ZDHHC14: variants seen among roughly 807,000 people sequenced by gnomAD.
ZDHHC14 encodes the protein palmitoyltransferase ZDHHC14.
ZDHHC14 carries 16 observed loss-of-function variants against 47.7 expected under a neutral mutation model. The ratio of observed to expected loss-of-function variants is 0.34; its 90% CI spans 0.23 to 0.51. The LOEUF (loss-of-function observed/expected upper bound fraction) is 0.51, where lower values mean the gene tolerates loss of function less well. ZDHHC14 is among the 20% of genes least tolerant of loss of function. The probability of loss-of-function intolerance (pLI) is 0.97; values close to 1 mark genes in which losing one functional copy is unlikely to be tolerated. For synonymous variants in ZDHHC14, 293 were observed against 278.9 expected (o/e 1.05, Z -0.50); for missense variants, 515 against 662.5 (o/e 0.78, Z 2.44).
In ZDHHC14 at chr6:157,463,224, T is replaced by C. The variant is rs1036403204; in HGVS notation, c.246-79361T>C. Among the ~76,000 whole-genome samples the C allele has an allele frequency of 2.0e-5, 3 of 152,216 alleles. No individual in the cohort carries two copies. Among genetic ancestry groups the C allele is most frequent in the Admixed American group, 6.5e-5 (1 of 15,278 alleles). On this transcript the variant is annotated intron_variant, in intron 1 of 8. Transcript: ENST00000359775. This position sits in a 1 kb window ranked among gnomAD's most constrained non-coding sequence, Gnocchi z 4.4. ...AAGAAAATAGAAATGTCACAGCCTG[T>C]TGTTTCTGTTGTCTCTTCGGTGTTT...
At chr6:157,622,605 C>G (rs2062949) in intron 3 of ZDHHC14, among the ~76,000 whole-genome samples, 55,034 of 151,710 alleles carry the variant, frequency 0.36, 10,928 homozygotes, top group East Asian at 0.86. Context: ...GTAAAACCAC[C>G]CCTGCCTCCC....
intron 2 of ZDHHC14, among the ~76,000 whole-genome samples, chr6:157,546,906 AGAGT>A (rs1158549362): frequency 6.6e-6 from 1 of 152,168 alleles, no homozygotes; most frequent in Non-Finnish European, 1.5e-5. Context: ...GTCAATGCGG[AGAGT>A]GAGTGAGGAG....
chr6:157,507,278 C>G (rs887630751), intron 1 of ZDHHC14, among the ~76,000 whole-genome samples: 4 of 137,518 alleles, frequency 2.9e-5, no homozygotes, highest in Non-Finnish European at 6.1e-5. Context: ...TTTTATATTT[C>G]CTGACTCATT....
chr6:157,430,715 G>A (rs1232000181), intron 1 of ZDHHC14, among the ~76,000 whole-genome samples: 3 of 152,202 alleles, frequency 2.0e-5, no homozygotes, highest in Non-Finnish European at 2.9e-5. Context: ...GTCACTTAAC[G>A]TATTCACAGG....
At chr6:157,628,642 T>C in intron 4 of ZDHHC14, 156 bp downstream of exon 4, 2 of 956,066 alleles carry the variant, frequency 2.1e-6, no homozygotes, top group Admixed American at 4.9e-5. Flanking sequence ...CTCGCTTTTG[T>C]TTCTCACCCT....
chr6:157,487,126 G>A (rs1482779690), intron 1 of ZDHHC14, among the ~76,000 whole-genome samples: 5 of 152,186 alleles, frequency 3.3e-5, no homozygotes, highest in African/African-American at 7.2e-5. Flanking sequence ...GTCTCCCCAC[G>A]CTGTCCCTAA....
At chr6:157,541,352 G>A (rs1270009500) in intron 1 of ZDHHC14, among the ~76,000 whole-genome samples, 1 of 152,118 alleles carries the variant, frequency 6.6e-6, no homozygotes, top group Non-Finnish European at 1.5e-5. Context: ...TGGCTCTCAA[G>A]TCCCAGACTC....
rs970440630 is a variant in ZDHHC14, at chr6:157,586,254, C to T, written c.407-6734C>T. ...GGCTGGATAAATAAAACAAGGCAGG[C>T]GCAGTGAGAGCCCAAAGGAGGAAAC... On this transcript the variant is annotated intron_variant, in intron 2 of 8. Transcript: ENST00000359775. This position sits in a 1 kb window ranked among gnomAD's most constrained non-coding sequence, Gnocchi z 4.6. Among the ~76,000 whole-genome samples, 4 of 152,042 alleles carry T rather than the reference C, an allele frequency of 2.6e-5. No homozygotes were observed. Among genetic ancestry groups the T allele is most frequent in the Admixed American group, 1.3e-4 (2 of 15,262 alleles).
chr6:157,450,559 C>T (rs1778781270), intron 1 of ZDHHC14, among the ~76,000 whole-genome samples: 1 of 150,930 alleles, frequency 6.6e-6, no homozygotes, highest in African/African-American at 2.4e-5. Context: ...TATTCTCTGT[C>T]TTCATTTTTG....
chr6:157,515,457 CTTTTTT>C (rs1187323622), intron 1 of ZDHHC14, among the ~76,000 whole-genome samples: 1 of 129,448 alleles, frequency 7.7e-6, no homozygotes, highest in African/African-American at 2.8e-5. Flanking sequence ...TTTTCTTTTT[CTTTTTT>C]TTTTTTTTTT....
chr6:157,464,998 A>T (rs1419614058), intron 1 of ZDHHC14, among the ~76,000 whole-genome samples: 1 of 152,014 alleles, frequency 6.6e-6, no homozygotes, highest in African/African-American at 2.4e-5. Context: ...TGAAAGACCC[A>T]GGCTTGTGCT....
At chr6:157,413,745 A>G (rs983057730) in intron 1 of ZDHHC14, among the ~76,000 whole-genome samples, 1 of 151,798 alleles carries the variant, frequency 6.6e-6, no homozygotes, top group African/African-American at 2.4e-5. Flanking sequence ...CTTTCTACCC[A>G]CAGCAACTTC....
chr6:157,609,204 C>T (rs192151290), intron 3 of ZDHHC14, among the ~76,000 whole-genome samples: 2 of 152,216 alleles, frequency 1.3e-5, no homozygotes, highest in African/African-American at 2.4e-5. Context: ...ATGAGGACCT[C>T]GAAACAGTGG....
intron 2 of ZDHHC14, among the ~76,000 whole-genome samples, chr6:157,556,884 G>GT (rs554663440): frequency 5.5e-4 from 84 of 152,340 alleles, no homozygotes; most frequent in South Asian, 2.5e-3. Context: ...CCAGTGAGAG[G>GT]TGGGGCTGAT....
intron 7 of ZDHHC14, among the ~76,000 whole-genome samples, 188 bp from the exon 8 acceptor site, chr6:157,653,337 G>A (rs1266656817): frequency 6.6e-6 from 1 of 152,152 alleles, no homozygotes; most frequent in Non-Finnish European, 1.5e-5. Flanking sequence ...CCGTAGTCAT[G>A]TTTAAAGGGA....
intron 1 of ZDHHC14, among the ~76,000 whole-genome samples, chr6:157,537,744 G>A (rs985618411): frequency 4.6e-5 from 7 of 152,254 alleles, no homozygotes; most frequent in African/African-American, 1.4e-4. Flanking sequence ...AACACAGATG[G>A]CACTCAGCAT....
At chr6:157,507,231 ATGC>A (rs1780348820) in intron 1 of ZDHHC14, among the ~76,000 whole-genome samples, 1 of 151,834 alleles carries the variant, frequency 6.6e-6, no homozygotes. Context: ...GTTCACACCT[ATGC>A]CAGGTTGTAC....
chr6:157,659,067 C>A (rs923872595), intron 8 of ZDHHC14, among the ~76,000 whole-genome samples: 1 of 152,120 alleles, frequency 6.6e-6, no homozygotes, highest in Non-Finnish European at 1.5e-5. Flanking sequence ...TTATCCATTT[C>A]ATCTAAGTTA....
intron 1 of ZDHHC14, among the ~76,000 whole-genome samples, chr6:157,434,554 G>C (rs17165327): frequency 0.21 from 32,235 of 151,354 alleles, 3,762 homozygotes; most frequent in East Asian, 0.34. Flanking sequence ...CATTTTATTT[G>C]GGTCATAAAA....
Sources: gnomAD v4.1 joint callset for allele counts (sites outside exome capture counted in the v4.1 genomes callset) on GRCh38, gnomAD v4.1.1 for gene constraint, Gnocchi (gnomAD v3.1) non-coding constraint, MANE v1.5 for transcripts, NCBI Gene and HGNC (gene_info 2026-07-23, HGNC 2026-07-21) for gene names.